ERCC6L2: variants seen among roughly 807,000 people sequenced by gnomAD.
The protein encoded by ERCC6L2 is DNA excision repair protein ERCC-6-like 2.
ERCC6L2 carries 77 observed loss-of-function variants against 132.0 expected under a neutral mutation model. That is an observed-to-expected ratio of 0.58 (90% confidence interval 0.49 to 0.71). The LOEUF (loss-of-function observed/expected upper bound fraction) is 0.71. ERCC6L2 is among the 30% of genes least tolerant of loss of function. The pLI is 0.00. For synonymous variants in ERCC6L2, 583 were observed against 632.4 expected, an observed-to-expected ratio of 0.92 and a Z score of 1.17; for missense variants, 1,542 against 1,837.6, an observed-to-expected ratio of 0.84 and a Z score of 2.94.
chr9:95,952,840 TAA>T (rs34446922), intron 12 of ERCC6L2, among the ~76,000 whole-genome samples: 1 of 139,668 alleles, frequency 7.2e-6, no homozygotes, highest in Non-Finnish European at 1.6e-5. Context: ...TCCGTCTCAA[TAA>T]AAAAAAAAAA....
rs550747330 is a variant in ERCC6L2 at position 95,952,478 on chromosome 9, G to A, written c.1848-3436G>A. Among the ~76,000 whole-genome samples the A allele has an allele frequency of 4.6e-5, 7 of 152,082 alleles. No individual in the cohort carries two copies. The East Asian group carries it at 7.7e-4, about 17-fold the overall frequency. ...AATCAGTGTAATATGCCACATTAAC[G>A]AATGAAGGAAAAAAGACACATAATC... On this transcript the variant is annotated intron_variant, in intron 12 of 18. Coordinates refer to ENST00000653738, the MANE Select transcript of ERCC6L2 (RefSeq NM_020207.7).
intron 4 of ERCC6L2, among the ~76,000 whole-genome samples, chr9:95,914,587 C>T (rs957946437): frequency 6.6e-6 from 1 of 152,068 alleles, no homozygotes; most frequent in Admixed American, 6.5e-5. Context: ...TTTCTGACCT[C>T]GTGATCCACC....
intron 2 of ERCC6L2, among the ~76,000 whole-genome samples, chr9:95,895,426 A>G (rs965166731): frequency 1.3e-5 from 2 of 152,052 alleles, no homozygotes; most frequent in African/African-American, 2.4e-5. Flanking sequence ...GCTTTCTAGT[A>G]TATTTGGATT....
At chr9:96,002,931 T>A (rs921361573) in intron 17 of ERCC6L2, among the ~76,000 whole-genome samples, 8 of 152,180 alleles carry the variant, frequency 5.3e-5, no homozygotes, top group African/African-American at 1.9e-4. Flanking sequence ...TATTCTGTCC[T>A]TTTAGCATTT....
intron 10 of ERCC6L2, 46 bp from the exon 11 acceptor site, chr9:95,928,673 A>G: frequency 1.3e-6 from 2 of 1,531,918 alleles, no homozygotes; most frequent in Non-Finnish European, 1.8e-6. Flanking sequence ...TCTGAAACTT[A>G]CTTAACCAAG....
intron 17 of ERCC6L2, among the ~76,000 whole-genome samples, chr9:95,985,700 C>T (rs531550220): frequency 5.9e-5 from 9 of 152,190 alleles, no homozygotes; most frequent in African/African-American, 1.9e-4. Flanking sequence ...TTATTGTGTC[C>T]TTTCCGTAGT....
chr9:95,920,539 T>C (rs927561217), intron 6 of ERCC6L2, among the ~76,000 whole-genome samples: 25 of 152,162 alleles, frequency 1.6e-4, no homozygotes, highest in African/African-American at 5.5e-4. Context: ...ACATGGACTT[T>C]TGACTGTGTG....
At chr9:95,894,076 C>G (rs1489909209) in intron 2 of ERCC6L2, among the ~76,000 whole-genome samples, 1 of 152,090 alleles carries the variant, frequency 6.6e-6, no homozygotes, top group African/African-American at 2.4e-5. Flanking sequence ...ATAGCTTAGC[C>G]TATCCTACCT....
At chr9:95,881,906 TCA>T (rs1445026627) in intron 2 of ERCC6L2, among the ~76,000 whole-genome samples, 4 of 152,272 alleles carry the variant, frequency 2.6e-5, no homozygotes, top group African/African-American at 9.6e-5. Flanking sequence ...ATGTATTGTC[TCA>T]CAGTTTCTGT....
At chr9:95,936,457 A>C (rs188621864) in intron 11 of ERCC6L2, among the ~76,000 whole-genome samples, 100 of 152,240 alleles carry the variant, frequency 6.6e-4, no homozygotes, top group African/African-American at 2.2e-3. Context: ...TAGCACCCTG[A>C]CTGCCTGTCT....
At chr9:95,953,193 C>T (rs749517770) in intron 12 of ERCC6L2, among the ~76,000 whole-genome samples, 9 of 152,086 alleles carry the variant, frequency 5.9e-5, no homozygotes. Flanking sequence ...CTTAACTGTA[C>T]ACTTAAAAAT....
intron 19 of ERCC6L2, among the ~76,000 whole-genome samples, chr9:96,034,729 C>T (rs913935195): frequency 2.0e-5 from 3 of 151,964 alleles, no homozygotes; most frequent in Admixed American, 1.3e-4. Context: ...GCTGCTGCAG[C>T]TGCCCAAGCT....
intron 3 of ERCC6L2, chr9:95,904,877 A>C (rs566793216): frequency 1.3e-5 from 2 of 152,334 alleles, no homozygotes; most frequent in East Asian, 3.9e-4. Context: ...TGCATTATTT[A>C]ACCTAGCTTC....
At chr9:95,881,437 T>C (rs1827588091) in intron 2 of ERCC6L2, 144 bp downstream of exon 2, 5 of 542,134 alleles carry the variant, frequency 9.2e-6, no homozygotes, top group Admixed American at 3.7e-5. Context: ...AACTAGATAG[T>C]GAAGTCCTCA....
At chr9:95,953,962 A>G (rs534755826) in intron 12 of ERCC6L2, among the ~76,000 whole-genome samples, 45 of 152,318 alleles carry the variant, frequency 3.0e-4, no homozygotes, top group Admixed American at 1.1e-3. Context: ...AGGACAAAGG[A>G]ATAATGGCTG....
At chr9:95,899,066 G>A (rs558807711) in intron 3 of ERCC6L2, among the ~76,000 whole-genome samples, 210 of 152,094 alleles carry the variant, frequency 1.4e-3, no homozygotes, top group Non-Finnish European at 2.6e-3. Flanking sequence ...TCTCTTTTAT[G>A]CCACTGTGAC....
At position 95,875,924 on chromosome 9, in the gene ERCC6L2, G is replaced by C; in HGVS notation, c.-115G>C. Reference sequence around the variant, plus strand: ...TCGGGTTGCCGAAGAGCGATGCTCGGAGGGCGGCCGGAAGTGGCGTTGGCC... The same window carrying C: ...TCGGGTTGCCGAAGAGCGATGCTCGCAGGGCGGCCGGAAGTGGCGTTGGCC... On this transcript the variant is annotated 5_prime_UTR_variant, in exon 1 of 19. Transcript: ENST00000653738. 8.7e-7 allele frequency: 1 copy of C among 1,147,810 alleles called. No individual in the cohort carries two copies. The highest frequency in any genetic ancestry group is 1.3e-6 in the Non-Finnish European group (1 of 799,626). The allele number at this position is 1,147,810 out of a possible 1,614,324, so 71.1% of individuals were successfully genotyped here. A position where few individuals can be genotyped will look rare whatever the true frequency, so the allele number is the denominator to read the frequency against.
rs772020691 is a variant in ERCC6L2, at chr9:95,876,003, T to TAA, written c.-35_-34insAA. Reference sequence around the variant, plus strand: ...CTGTCCTCCGCCGCCTTCCGGGTGTTACATGCAGCCGGGCTCGGCCCCTCC... The same window carrying TAA: ...CTGTCCTCCGCCGCCTTCCGGGTGTTAAACATGCAGCCGGGCTCGGCCCCTCC... On this transcript the variant is annotated 5_prime_UTR_variant, in exon 1 of 19. Transcript: ENST00000653738. The TAA allele has an allele frequency of 1.9e-6, 3 of 1,570,532 alleles. No homozygotes were observed. The highest frequency in any genetic ancestry group is 8.6e-7 in the Non-Finnish European group (1 of 1,158,996).
intron 4 of ERCC6L2, among the ~76,000 whole-genome samples, 181 bp downstream of exon 4, chr9:95,907,452 A>T (rs1044476870): frequency 6.8e-6 from 1 of 148,136 alleles, no homozygotes; most frequent in African/African-American, 2.5e-5. Flanking sequence ...CAATCCACCC[A>T]CCTCAGCCTT....
Sources: allele counts gnomAD v4.1 joint callset (sites outside exome capture counted in the v4.1 genomes callset), GRCh38; gene constraint gnomAD v4.1.1; transcripts MANE v1.5; gene names NCBI Gene and HGNC (gene_info 2026-07-23, HGNC 2026-07-21).